ZNF682: variants seen among roughly 807,000 people sequenced by gnomAD.
ZNF682 encodes zinc finger protein 682.
In ZNF682, 29 loss-of-function variants were observed where a neutral mutation model predicts 36.5. The observed-to-expected ratio is 0.80, with a 90% confidence interval of 0.59 to 1.08. The LOEUF (loss-of-function observed/expected upper bound fraction) is 1.08, where lower values mean the gene tolerates loss of function less well. ZNF682 is among the 50% of genes least tolerant of loss of function. The pLI is 0.00. For synonymous variants in ZNF682, 180 were observed against 197.0 expected (o/e 0.91, Z 0.72); for missense variants, 561 against 579.7 (o/e 0.97, Z 0.33).
chr19:20,039,485 T>C lies in ZNF682; in HGVS notation c.-140A>G, dbSNP rs2088565264. ...AGCAATGAAGATGGACCCTGAGCTC[T>C]GGCTGGAGCGAGACAAAGGCCCCGC... On this transcript the variant is annotated 5_prime_UTR_variant, in exon 1 of 4. Coordinates refer to ENST00000397165, the MANE Select transcript of ZNF682 (RefSeq NM_033196.3). 4 of 1,193,790 alleles carry C rather than the reference T, an allele frequency of 3.4e-6. No homozygotes were observed. The highest frequency in any genetic ancestry group is 2.3e-5 in the Admixed American group (1 of 43,482). 73.9% of individuals were successfully genotyped at this position (1,193,790 alleles called of 1,614,324 possible). A position where few individuals can be genotyped will look rare whatever the true frequency, so the allele number is the denominator to read the frequency against.
intron 3 of ZNF682, among the ~76,000 whole-genome samples, chr19:20,018,064 A>C (rs1442329123): frequency 7.0e-6 from 1 of 143,650 alleles, no homozygotes; most frequent in Non-Finnish European, 1.5e-5. Context: ...AAATATAGTT[A>C]AGATTCTCAA....
downstream of ZNF682, among the ~76,000 whole-genome samples, chr19:20,000,402 C>T (rs2088159329): frequency 6.6e-6 from 1 of 152,170 alleles, no homozygotes; most frequent in African/African-American, 2.4e-5. Context: ...CCACTTAGCC[C>T]TCATTTCTAA....
intron 1 of ZNF682, chr19:20,034,132 T>C (rs944751444): frequency 3.3e-5 from 5 of 152,648 alleles, no homozygotes; most frequent in African/African-American, 1.2e-4. Context: ...CAAGAAAAAA[T>C]TCCCCCCAAT....
At chr19:19,996,688 G>A (rs2088130441), downstream of ZNF682, among the ~76,000 whole-genome samples, 1 of 152,110 alleles carries the variant, frequency 6.6e-6, no homozygotes, top group Admixed American at 6.5e-5. Context: ...AAATGGGAGT[G>A]GGTAAGGGAT....
intron 3 of ZNF682, among the ~76,000 whole-genome samples, chr19:20,012,101 G>A (rs968564419): frequency 6.6e-6 from 1 of 152,114 alleles, no homozygotes; most frequent in East Asian, 1.9e-4. Context: ...GCAGTGTTAG[G>A]AGGGTTTATA....
Position 20,006,254 on chromosome 19 carries a change from C to T in ZNF682, c.1248G>A (p.Lys416=). The stretch of plus-strand genomic sequence containing the variant: ...AGGGTTTCTCTCCAGTATGAATTCT[C>T]TTATGTTCAGTAAGGATTGAGGACC... The part of the protein sequence containing the change: ...FNWSSILTEH[K]RIHTGEKPYN... The change falls in exon 4 of 4, where the codon AAG becomes AAA. Residue 416 remains lysine, a synonymous_variant. Transcript: ENST00000397165. 6.2e-7 allele frequency: 1 copy of T among 1,613,774 alleles called. No homozygotes were observed. Among genetic ancestry groups the T allele is most frequent in the Non-Finnish European group, 8.5e-7 (1 of 1,179,966 alleles).
At chr19:20,027,308 A>G (rs924198677) in intron 1 of ZNF682, among the ~76,000 whole-genome samples, 15 of 152,216 alleles carry the variant, frequency 9.9e-5, no homozygotes, top group African/African-American at 3.6e-4. Flanking sequence ...GTGAGCTTCT[A>G]CCTAAAGACT....
At position 19,998,951 on chromosome 19, in the gene ZNF682, G is replaced by A. The variant is rs550814207; in HGVS notation, c.227-1688C>T. ...TTATGATTTCTCCCCCTATATTTGCGTGAAAATTCTAACCCTCAGAGTAAT... is the reference window on the plus strand; with the variant it reads ...TTATGATTTCTCCCCCTATATTTGCATGAAAATTCTAACCCTCAGAGTAAT... On this transcript the variant is annotated intron_variant, in intron 3 of 3. Coordinates refer to the ZNF682 transcript ENST00000596019. 3.4e-4 allele frequency among the ~76,000 whole-genome samples: 52 copies of A among 152,156 alleles called. 1 individual carries two copies. In the South Asian group the frequency reaches 7.7e-3, roughly 22 times the overall value.
intron 1 of ZNF682, among the ~76,000 whole-genome samples, chr19:20,031,718 G>A (rs767443702): frequency 1.8e-4 from 28 of 152,096 alleles, no homozygotes; most frequent in Non-Finnish European, 3.4e-4. Context: ...CGAGGTGGGC[G>A]GATCACGAGG....
At chr19:20,024,484 A>C in intron 1 of ZNF682, 108 bp from the exon 2 acceptor site, 1 of 1,272,878 alleles carries the variant, frequency 7.9e-7, no homozygotes, top group South Asian at 1.6e-5. Flanking sequence ...GGAATTATTC[A>C]ATCTGCTATT....
intron 3 of ZNF682, among the ~76,000 whole-genome samples, chr19:20,017,183 A>G (rs2088341545): frequency 6.6e-6 from 1 of 152,236 alleles, no homozygotes; most frequent in Non-Finnish European, 1.5e-5. Flanking sequence ...CACAGAACGT[A>G]ATCGAAAACA....
At chr19:20,002,993 A>C (rs551114248), downstream of ZNF682, among the ~76,000 whole-genome samples, 1 of 151,848 alleles carries the variant, frequency 6.6e-6, no homozygotes, top group Non-Finnish European at 1.5e-5. Flanking sequence ...AATGGAGACC[A>C]TCCTGGCTAA....
At chr19:20,025,977 T>C (rs1418908808) in intron 1 of ZNF682, among the ~76,000 whole-genome samples, 1 of 152,156 alleles carries the variant, frequency 6.6e-6, no homozygotes, top group African/African-American at 2.4e-5. Flanking sequence ...TCTGGGCAAT[T>C]AGTGACATCC....
At chr19:20,018,433 T>G (rs2088357025) in intron 3 of ZNF682, among the ~76,000 whole-genome samples, 1 of 152,124 alleles carries the variant, frequency 6.6e-6, no homozygotes, top group African/African-American at 2.4e-5. Context: ...CAAAACACCC[T>G]TTAAAAAGAA....
chr19:19,999,956 C>T (rs2088154890), downstream of ZNF682, among the ~76,000 whole-genome samples: 1 of 152,190 alleles, frequency 6.6e-6, no homozygotes. Context: ...TAGACAATGG[C>T]TTTTACTGAG....
intron 3 of ZNF682, among the ~76,000 whole-genome samples, chr19:19,997,816 T>C (rs1425531559): frequency 6.6e-6 from 1 of 151,994 alleles, no homozygotes; most frequent in East Asian, 1.9e-4. Context: ...AAAAATAGCT[T>C]TGTTCTGTGA....
intron 1 of ZNF682, among the ~76,000 whole-genome samples, chr19:20,027,758 T>C (rs2088444358): frequency 7.7e-6 from 1 of 130,328 alleles, no homozygotes; most frequent in Non-Finnish European, 1.6e-5. Context: ...AAACTCCATC[T>C]AAAAAAACAA....
intron 3 of ZNF682, among the ~76,000 whole-genome samples, chr19:19,999,227 G>T (rs1447882257): frequency 6.6e-6 from 1 of 152,150 alleles, no homozygotes; most frequent in East Asian, 1.9e-4. Context: ...CTAGTCCATG[G>T]TTCTTTGGTA....
chr19:20,033,603 A>T (rs572959023), intron 1 of ZNF682: 1 of 152,590 alleles, frequency 6.6e-6, no homozygotes, highest in African/African-American at 2.4e-5. Context: ...CCCAGGCTAA[A>T]GTGCAGTGAC....
Sources: allele counts gnomAD v4.1 joint callset (sites outside exome capture counted in the v4.1 genomes callset), GRCh38; gene constraint gnomAD v4.1.1; transcripts MANE v1.5; gene names NCBI Gene and HGNC (gene_info 2026-07-23, HGNC 2026-07-21).